ZNF519: variants seen among roughly 807,000 people sequenced by gnomAD.
ZNF519 encodes zinc finger protein 519.
A neutral mutation model predicts 7.4 loss-of-function variants in ZNF519; 7 were observed. The observed-to-expected ratio is 0.94, with a 90% confidence interval of 0.54 to 1.77. ZNF519 has a LOEUF of 1.77. ZNF519 is among the 40% of genes most tolerant of loss of function. ZNF519 has a pLI of 0.00. For synonymous variants in ZNF519, 179 were observed against 203.3 expected, an observed-to-expected ratio of 0.88 and a Z score of 1.02; for missense variants, 586 against 623.1, an observed-to-expected ratio of 0.94 and a Z score of 0.63.
Position 14,104,869 on chromosome 18 carries a change from T to G in ZNF519, c.*48A>C, listed in dbSNP as rs1567946782. 9 of 1,476,226 alleles carry G rather than the reference T, an allele frequency of 6.1e-6. No individual in the cohort carries two copies. Among genetic ancestry groups the G allele is most frequent in the Non-Finnish European group, 8.1e-6 (9 of 1,110,844 alleles). The allele number at this position is 1,476,226 out of a possible 1,614,324, so 91.4% of individuals were successfully genotyped here. ...TGATTTTCTAATGTTGAGTAAGGTG[T>G]GAGCACCAGTTTAGGGTTTTAGCAC... On this transcript the variant is annotated 3_prime_UTR_variant, in exon 3 of 3. Transcript: ENST00000590202.
intron 2 of ZNF519, chr18:14,090,449 G>A (rs1352866341): frequency 6.6e-6 from 1 of 152,162 alleles, no homozygotes. Context: ...CAGACGAGAG[G>A]CTAAAAATGC....
At chr18:14,106,992 C>T (rs1268744328) in intron 2 of ZNF519, among the ~76,000 whole-genome samples, 3 of 11,666 alleles carry the variant, frequency 2.6e-4, no homozygotes, top group East Asian at 4.4e-3. Flanking sequence ...CTAAAATGCT[C>T]TGGGCCCTAA....
rs2046179033 is a variant in ZNF519 at position 14,104,743 on chromosome 18, C to T, written c.*174G>A. ...TGATTCAGAGTAATTTACGGAAGTG[C>T]TAGCACCTTAGTTCTTTCTAAAGTG... is the stretch of plus-strand genomic sequence containing the variant. On this transcript the variant is annotated 3_prime_UTR_variant, in exon 3 of 3. Transcript: ENST00000590202. 3.4e-6 allele frequency: 2 copies of T among 588,718 alleles called. No homozygotes were observed. The highest frequency in any genetic ancestry group is 3.6e-5 in the Admixed American group (1 of 27,618). 36.5% of individuals were successfully genotyped at this position (588,718 alleles called of 1,614,324 possible).
chr18:14,084,684 C>T (rs1218016210), intron 3 of ZNF519, among the ~76,000 whole-genome samples: 1 of 152,128 alleles, frequency 6.6e-6, no homozygotes, highest in African/African-American at 2.4e-5. Context: ...GCCTCCTTCA[C>T]CAGGCTCCCC....
Position 14,103,312 on chromosome 18 carries a change from G to A in ZNF519, c.*1605C>T, listed in dbSNP as rs967591274. 3.3e-5 allele frequency: 5 copies of A among 151,992 alleles called. No homozygotes were observed. The highest frequency in any genetic ancestry group is 2.1e-4 in the South Asian group (1 of 4,832). The allele number at this position is 151,992 out of a possible 1,614,324, so 9.4% of individuals were successfully genotyped here. On this transcript the variant is annotated 3_prime_UTR_variant, in exon 3 of 3. Transcript: ENST00000590202. Reference sequence around the variant, plus strand: ...ATGCTAGGCCATACAGCAGGAAAACGTCAATAAAATTAACAGGATCAAAAT... The same window carrying A: ...ATGCTAGGCCATACAGCAGGAAAACATCAATAAAATTAACAGGATCAAAAT...
intron 1 of ZNF519, among the ~76,000 whole-genome samples, chr18:14,126,608 A>C (rs1266653462): frequency 1.3e-5 from 2 of 152,202 alleles, no homozygotes; most frequent in African/African-American, 4.8e-5. Flanking sequence ...GGTAGGGACC[A>C]TGACTGCTTC....
chr18:14,097,580 G>C (rs2046142015), downstream of ZNF519, among the ~76,000 whole-genome samples: 1 of 152,182 alleles, frequency 6.6e-6, no homozygotes, highest in African/African-American at 2.4e-5. Context: ...TCACATTAGG[G>C]AGCCCTTGTG....
At chr18:14,109,429 C>G (rs762111336) in intron 2 of ZNF519, among the ~76,000 whole-genome samples, 1 of 152,116 alleles carries the variant, frequency 6.6e-6, no homozygotes, top group Non-Finnish European at 1.5e-5. Flanking sequence ...CTCTGCAGTG[C>G]ATGAATCATT....
chr18:14,127,788 T>C (rs2046308171), intron 1 of ZNF519, among the ~76,000 whole-genome samples: 1 of 152,076 alleles, frequency 6.6e-6, no homozygotes, highest in Non-Finnish European at 1.5e-5. Flanking sequence ...CTCTACCTGC[T>C]CTAGAAGGGA....
intron 2 of ZNF519, among the ~76,000 whole-genome samples, chr18:14,088,342 C>G (rs1315864746): frequency 6.6e-6 from 1 of 152,182 alleles, no homozygotes; most frequent in Non-Finnish European, 1.5e-5. Context: ...AGCAGTCCTG[C>G]ACCATAGTCA....
At chr18:14,129,241 A>G (rs1264713872) in intron 1 of ZNF519, among the ~76,000 whole-genome samples, 2 of 152,154 alleles carry the variant, frequency 1.3e-5, no homozygotes, top group East Asian at 1.9e-4. Flanking sequence ...TCTACAGTTG[A>G]GATAAGCCAG....
chr18:14,095,800 T>G (rs1260875295), downstream of ZNF519, among the ~76,000 whole-genome samples: 1 of 152,216 alleles, frequency 6.6e-6, no homozygotes, highest in African/African-American at 2.4e-5. Context: ...CACTCTGCAC[T>G]GTGCTGCCCA....
chr18:14,104,927 T>A lies in ZNF519; in HGVS notation c.1613A>T (p.His538Leu), dbSNP rs753680239. The A allele has an allele frequency of 1.2e-5, 18 of 1,547,082 alleles. No individual in the cohort carries two copies. Among genetic ancestry groups the A allele is most frequent in the Non-Finnish European group, 1.6e-5 (18 of 1,151,118 alleles). ...ACACTTGCAGGGTTTCTACCTGGTA[T>A]GAATTATTTGATGTTGAGTAAGGGT... is the stretch of plus-strand genomic sequence containing the variant. ...RSTLTQHQII[H>L]TR The change falls in exon 3 of 3, where the codon CAT becomes CTT. Residue 538 changes from histidine to leucine, a missense_variant. By Grantham distance (99) the His-to-Leu change is moderately conservative (BLOSUM62 -3). Transcript: ENST00000590202.
chr18:14,108,428 C>T (rs998451691), intron 2 of ZNF519, among the ~76,000 whole-genome samples: 17 of 152,162 alleles, frequency 1.1e-4, no homozygotes, highest in Admixed American at 6.5e-5. Context: ...TTCCCCCATT[C>T]TAAACCCATA....
At chr18:14,117,145 G>T (rs1004900354) in intron 2 of ZNF519, among the ~76,000 whole-genome samples, 2 of 151,994 alleles carry the variant, frequency 1.3e-5, no homozygotes, top group Non-Finnish European at 2.9e-5. Context: ...ATCTCTGCAC[G>T]CTAAACATTT....
At chr18:14,125,160 C>T (rs571740117) in intron 1 of ZNF519, among the ~76,000 whole-genome samples, 1 of 152,310 alleles carries the variant, frequency 6.6e-6, no homozygotes, top group South Asian at 2.1e-4. Flanking sequence ...TATCCCAACA[C>T]CCTTATCACA....
chr18:14,092,504 C>T (rs755634583), intron 2 of ZNF519, among the ~76,000 whole-genome samples: 13 of 152,208 alleles, frequency 8.5e-5, no homozygotes, highest in South Asian at 2.1e-4. Flanking sequence ...ACAGAGATGA[C>T]GTGCAAGGCC....
intron 2 of ZNF519, chr18:14,122,406 A>T (rs2046273732): frequency 6.6e-6 from 1 of 152,200 alleles, no homozygotes; most frequent in African/African-American, 2.4e-5. Flanking sequence ...ACCAAATCCC[A>T]GTATGTCCCC....
At chr18:14,095,195 G>C (rs1404403953), downstream of ZNF519, among the ~76,000 whole-genome samples, 1 of 152,122 alleles carries the variant, frequency 6.6e-6, no homozygotes, top group Non-Finnish European at 1.5e-5. Context: ...AAAACCTAAA[G>C]GGGTCCATTT....
Sources: gnomAD v4.1 joint callset for allele counts (sites outside exome capture counted in the v4.1 genomes callset) on GRCh38, gnomAD v4.1.1 for gene constraint, MANE v1.5 for transcripts, NCBI Gene and HGNC (gene_info 2026-07-23, HGNC 2026-07-21) for gene names.